The following CHCHD3 variants were observed in gnomAD, a reference collection of about 807,000 sequenced individuals.
The protein encoded by CHCHD3 is MICOS complex subunit MIC19.
Under a neutral mutation model 38.2 loss-of-function variants are expected in CHCHD3, and 20 were observed. The observed-to-expected ratio is 0.52, with a 90% CI of 0.37 to 0.76. The LOEUF is 0.76. Among genes scored for constraint, CHCHD3 ranks in the 30% least tolerant of loss-of-function variants. The pLI is 0.00. For synonymous variants in CHCHD3, 82 were observed against 100.0 expected (o/e 0.82, Z 1.07); for missense variants, 245 against 279.2 (o/e 0.88, Z 0.87).
intron 4 of CHCHD3, among the ~76,000 whole-genome samples, chr7:132,929,860 T>A (rs977815068): frequency 1.3e-5 from 2 of 152,130 alleles, no homozygotes; most frequent in African/African-American, 4.8e-5. Context: ...GCTTAACATA[T>A]GAAAGTCACA....
At chr7:133,055,415 A>G (rs890714964) in intron 2 of CHCHD3, among the ~76,000 whole-genome samples, 2 of 145,008 alleles carry the variant, frequency 1.4e-5, no homozygotes, top group Non-Finnish European at 3.0e-5. Context: ...TATGTTATAT[A>G]GTAATCATAA....
chr7:132,846,872 GA>G (rs2117109227), intron 5 of CHCHD3, among the ~76,000 whole-genome samples: 1 of 152,270 alleles, frequency 6.6e-6, no homozygotes, highest in African/African-American at 2.4e-5. Context: ...CCACAAAAAG[GA>G]AATGTATATC....
At chr7:133,013,208 A>C (rs1812933062) in intron 3 of CHCHD3, among the ~76,000 whole-genome samples, 1 of 149,586 alleles carries the variant, frequency 6.7e-6, no homozygotes, top group African/African-American at 2.5e-5. Flanking sequence ...AAAAAAAAAC[A>C]TTCAGACAGA....
chr7:132,917,129 C>T (rs6467449), intron 4 of CHCHD3, among the ~76,000 whole-genome samples: 108,500 of 152,026 alleles, frequency 0.71, 38,862 homozygotes, highest in African/African-American at 0.75. Flanking sequence ...GATATAATGG[C>T]AGAACTTTGG....
intron 3 of CHCHD3, among the ~76,000 whole-genome samples, chr7:133,016,266 A>G (rs2117423665): frequency 6.6e-6 from 1 of 152,352 alleles, no homozygotes; most frequent in East Asian, 1.9e-4. Flanking sequence ...TGCTTAGAAC[A>G]GTGCTTAGCA....
chr7:132,828,346 T>C (rs942046440), intron 6 of CHCHD3, among the ~76,000 whole-genome samples: 1 of 152,188 alleles, frequency 6.6e-6, no homozygotes, highest in Non-Finnish European at 1.5e-5. Context: ...TGGTATCTAA[T>C]GATGTAGAAA....
rs532407185 is a variant in CHCHD3, at chr7:133,043,110, C to T, written c.170-18483G>A. The stretch of plus-strand genomic sequence containing the variant: ...CTCAAACTTCTGAGCTCAAGCAACC[C>T]GCCTGCCTCAGCTTCCCAAAGTGCT... On this transcript the variant is annotated intron_variant, in intron 2 of 7. Transcript: ENST00000262570. 2.6e-5 allele frequency among the ~76,000 whole-genome samples: 4 copies of T among 152,210 alleles called. No individual in the cohort carries two copies. In the East Asian group the frequency reaches 5.8e-4, roughly 22 times the overall value.
At chr7:132,881,720 A>C (rs1465634946) in intron 5 of CHCHD3, among the ~76,000 whole-genome samples, 1 of 152,200 alleles carries the variant, frequency 6.6e-6, no homozygotes, top group African/African-American at 2.4e-5. Flanking sequence ...TATTAATATT[A>C]GAATCATTTC....
intron 3 of CHCHD3, among the ~76,000 whole-genome samples, chr7:133,014,644 A>G (rs1395595536): frequency 6.6e-6 from 1 of 151,500 alleles, no homozygotes; most frequent in African/African-American, 2.4e-5. Flanking sequence ...AATATATAAA[A>G]TAACAGAATA....
At chr7:132,914,605 AAACACTTATCTTTTCCAGAC>A (rs1416300792) in intron 4 of CHCHD3, among the ~76,000 whole-genome samples, 16 of 152,192 alleles carry the variant, frequency 1.1e-4, no homozygotes, top group Non-Finnish European at 2.4e-4. Flanking sequence ...AGAAATATAA[AAACACTTATCTTTTCCAGAC>A]AACAGCCTTC....
intron 4 of CHCHD3, among the ~76,000 whole-genome samples, chr7:132,955,542 GTTT>G (rs112242604): frequency 7.4e-6 from 1 of 135,882 alleles, no homozygotes. Context: ...GGGGTTTTTT[GTTT>G]TTTTTTTTTA....
intron 4 of CHCHD3, among the ~76,000 whole-genome samples, chr7:132,909,429 T>G (rs974953069): frequency 6.6e-6 from 1 of 152,142 alleles, no homozygotes; most frequent in Admixed American, 6.6e-5. Context: ...AAGTGGAGGT[T>G]GCAGTGGGCC....
chr7:132,868,576 C>T (rs928783977), intron 5 of CHCHD3, among the ~76,000 whole-genome samples: 6 of 152,086 alleles, frequency 3.9e-5, no homozygotes, highest in African/African-American at 1.4e-4. Context: ...TTAATAGACT[C>T]TTGCATAAGT....
chr7:132,985,678 TG>T (rs779064624), intron 3 of CHCHD3, among the ~76,000 whole-genome samples: 914 of 35,124 alleles, frequency 0.026, 188 homozygotes, highest in African/African-American at 0.099. Flanking sequence ...GGGAGGGAGG[TG>T]GGGGGGGGGT....
rs572175936 is a variant in CHCHD3, at chr7:132,852,706, G to C, written c.454-14237C>G. Among the ~76,000 whole-genome samples the C allele has an allele frequency of 1.1e-4, 16 of 152,294 alleles. No homozygotes were observed. In the East Asian group the frequency reaches 3.1e-3, roughly 29 times the overall value. On this transcript the variant is annotated intron_variant, in intron 5 of 7. Coordinates refer to ENST00000262570, the MANE Select transcript of CHCHD3 (RefSeq NM_017812.4). ...AACAAGAATGCTTTCCAGAACAAAA[G>C]TTAAGTGTACAGACTACAGAAGGAG...
At chr7:132,786,139 C>T (rs1806310855) in intron 7 of CHCHD3, among the ~76,000 whole-genome samples, 1 of 152,186 alleles carries the variant, frequency 6.6e-6, no homozygotes, top group Non-Finnish European at 1.5e-5. Flanking sequence ...GATCATGCCA[C>T]TGTACTCCAG....
intron 3 of CHCHD3, among the ~76,000 whole-genome samples, chr7:132,983,472 TAA>T (rs1811972285): frequency 6.6e-6 from 1 of 152,236 alleles, no homozygotes; most frequent in Admixed American, 6.5e-5. Context: ...TGTATTGCTA[TAA>T]TTCAGTAGGC....
intron 6 of CHCHD3, among the ~76,000 whole-genome samples, chr7:132,825,830 T>A (rs138863127): frequency 2.0e-5 from 3 of 152,144 alleles, no homozygotes; most frequent in Non-Finnish European, 2.9e-5. Flanking sequence ...GCACAAAACA[T>A]GGTAACAGAT....
intron 3 of CHCHD3, among the ~76,000 whole-genome samples, chr7:132,984,538 G>A (rs1812029511): frequency 1.4e-5 from 2 of 146,890 alleles, no homozygotes; most frequent in Admixed American, 6.8e-5. Flanking sequence ...TCTGGGATGT[G>A]AGGAGCCCCT....
Sources: gnomAD v4.1 joint callset for allele counts (sites outside exome capture counted in the v4.1 genomes callset) on GRCh38, gnomAD v4.1.1 for gene constraint, MANE v1.5 for transcripts, NCBI Gene and HGNC (gene_info 2026-07-23, HGNC 2026-07-21) for gene names.